Variants in MREG observed in about 807,000 individuals in gnomAD.
The protein encoded by MREG is dilute suppressor protein homolog.
In MREG, 31 loss-of-function variants were observed where a neutral mutation model predicts 28.5. The observed-to-expected ratio is 1.09, with a 90% CI of 0.82 to 1.47. The LOEUF is 1.47. Among genes scored for constraint, MREG ranks in the 40% most tolerant of loss-of-function variants. MREG has a pLI of 0.00. For synonymous variants in MREG, 106 were observed against 95.2 expected, an observed-to-expected ratio of 1.11 and a Z score of -0.66; for missense variants, 256 against 257.4, an observed-to-expected ratio of 0.99 and a Z score of 0.04.
chr2:216,009,780 C>T (rs1694250125), intron 1 of MREG, among the ~76,000 whole-genome samples: 1 of 152,162 alleles, frequency 6.6e-6, no homozygotes, highest in South Asian at 2.1e-4. Flanking sequence ...AGGTGATTCG[C>T]CTGCCTCGGC....
At chr2:215,988,190 G>A (rs2106007871) in intron 2 of MREG, among the ~76,000 whole-genome samples, 1 of 152,256 alleles carries the variant, frequency 6.6e-6, no homozygotes, top group East Asian at 1.9e-4. Flanking sequence ...TCCACCTGAG[G>A]TACCTGGCTT....
chr2:216,021,572 C>T (rs926964331), intron 1 of MREG, among the ~76,000 whole-genome samples: 1 of 152,062 alleles, frequency 6.6e-6, no homozygotes, highest in African/African-American at 2.4e-5. Flanking sequence ...TCCATAGGCC[C>T]CTCACTCCCC....
chr2:215,991,021 A>G (rs1384736420), intron 2 of MREG, among the ~76,000 whole-genome samples: 1 of 152,244 alleles, frequency 6.6e-6, no homozygotes, highest in African/African-American at 2.4e-5. Flanking sequence ...ACAGGAGTTA[A>G]ACTCAGCTCT....
chr2:216,021,695 T>C (rs1266723494), intron 1 of MREG, among the ~76,000 whole-genome samples: 1 of 152,226 alleles, frequency 6.6e-6, no homozygotes, highest in African/African-American at 2.4e-5. Flanking sequence ...AGTGCTTCCC[T>C]GTGGCTGCTG....
intron 1 of MREG, among the ~76,000 whole-genome samples, chr2:216,020,297 TAA>T (rs998567843): frequency 6.6e-6 from 1 of 152,218 alleles, no homozygotes; most frequent in African/African-American, 2.4e-5. Flanking sequence ...GCTTTAGACA[TAA>T]CTGGATCCAG....
At position 215,989,486 on chromosome 2, in the gene MREG, CT is replaced by C. The variant is rs570477341; in HGVS notation, c.255+6819del. On this transcript the variant is annotated intron_variant, in intron 2 of 4. Transcript: ENST00000263268. ...AAGTCCAAAAACCAGAATGCCTCTT[CT>C]CCTCCAAAGGATCACAACTCTTTAC... 6.3e-4 allele frequency among the ~76,000 whole-genome samples: 96 copies of C among 152,238 alleles called. 1 individual carries two copies. Among genetic ancestry groups the C allele is most frequent in the African/African-American group, 2.3e-3 (94 of 41,562 alleles).
chr2:216,002,712 G>C (rs1694048727), intron 1 of MREG, among the ~76,000 whole-genome samples: 1 of 152,142 alleles, frequency 6.6e-6, no homozygotes, highest in African/African-American at 2.4e-5. Context: ...TCCCTGGGAT[G>C]GAGCAGGTGA....
rs187766249 is a variant in MREG, at chr2:215,990,460, A to G, written c.255+5846T>C. Reference sequence around the variant, plus strand: ...AAAAACATACCAAATTGTAAAGACCATCGACACTATGAAGAAACTGCCTCA... The same window carrying G: ...AAAAACATACCAAATTGTAAAGACCGTCGACACTATGAAGAAACTGCCTCA... On this transcript the variant is annotated intron_variant, in intron 2 of 4. Coordinates refer to ENST00000263268, the MANE Select transcript of MREG (RefSeq NM_018000.3). Among the ~76,000 whole-genome samples, 1,242 of 152,322 alleles carry G rather than the reference A, an allele frequency of 8.2e-3. 16 individuals carry two copies. The highest frequency in any genetic ancestry group is 0.029 in the African/African-American group (1,186 of 41,566).
At chr2:216,008,299 C>T (rs1166169072) in intron 1 of MREG, among the ~76,000 whole-genome samples, 1 of 152,118 alleles carries the variant, frequency 6.6e-6, no homozygotes, top group Non-Finnish European at 1.5e-5. Context: ...GTTGTAAATG[C>T]TTTGTATCTG....
chr2:215,980,218 T>A (rs893222847), intron 2 of MREG, among the ~76,000 whole-genome samples: 13 of 152,178 alleles, frequency 8.5e-5, no homozygotes, highest in Admixed American at 2.6e-4. Flanking sequence ...GGGCCCCAAC[T>A]TGTTGTCCAT....
intron 2 of MREG, among the ~76,000 whole-genome samples, chr2:215,979,772 T>A (rs1296460127): frequency 6.6e-6 from 1 of 151,780 alleles, no homozygotes; most frequent in Non-Finnish European, 1.5e-5. Flanking sequence ...CAGGGAGGTA[T>A]CTCTGATGAT....
At chr2:215,953,641 C>T (rs543030395) in intron 2 of MREG, among the ~76,000 whole-genome samples, 1 of 152,304 alleles carries the variant, frequency 6.6e-6, no homozygotes, top group South Asian at 2.1e-4. Flanking sequence ...CAATAAGTAA[C>T]AGAGAACAAA....
At chr2:215,946,471 G>A (rs1692322887) in intron 3 of MREG, among the ~76,000 whole-genome samples, 1 of 151,708 alleles carries the variant, frequency 6.6e-6, no homozygotes, top group South Asian at 2.1e-4. Flanking sequence ...TATAATGTGG[G>A]GGCCACATTT....
chr2:216,020,250 C>T (rs1018137082), intron 1 of MREG, among the ~76,000 whole-genome samples: 14 of 152,160 alleles, frequency 9.2e-5, no homozygotes, highest in Admixed American at 7.2e-4. Context: ...AAGAAATGTA[C>T]TGCCTCAAGT....
At chr2:216,014,761 T>C (rs1303510202), upstream of MREG, among the ~76,000 whole-genome samples, 1 of 152,164 alleles carries the variant, frequency 6.6e-6, no homozygotes, top group African/African-American at 2.4e-5. Context: ...TCTTGCCAAA[T>C]TGCTCCCCAA....
At chr2:216,019,194 C>CTT (rs1694487213) in intron 1 of MREG, among the ~76,000 whole-genome samples, 1 of 151,418 alleles carries the variant, frequency 6.6e-6, no homozygotes, top group Non-Finnish European at 1.5e-5. Context: ...ATTTTTTTTT[C>CTT]TTTTTTGGCT....
At chr2:215,981,332 G>A (rs1693423641) in intron 2 of MREG, among the ~76,000 whole-genome samples, 1 of 152,216 alleles carries the variant, frequency 6.6e-6, no homozygotes, top group African/African-American at 2.4e-5. Context: ...CTTGAAAAAG[G>A]AAGGAAATGC....
intron 2 of MREG, among the ~76,000 whole-genome samples, chr2:215,948,324 G>C (rs1465048917): frequency 1.3e-5 from 2 of 152,200 alleles, no homozygotes; most frequent in Non-Finnish European, 2.9e-5. Flanking sequence ...TATGCCATCA[G>C]CAGGGCATGG....
intron 2 of MREG, among the ~76,000 whole-genome samples, chr2:215,974,208 T>C (rs11692400): frequency 0.88 from 133,620 of 152,114 alleles, 58,959 homozygotes; most frequent in East Asian, 0.95. Flanking sequence ...GTAAATAGCA[T>C]GACCATGTGT....
Sources: allele counts gnomAD v4.1 joint callset (sites outside exome capture counted in the v4.1 genomes callset), GRCh38; gene constraint gnomAD v4.1.1; transcripts MANE v1.5; gene names NCBI Gene and HGNC (gene_info 2026-07-23, HGNC 2026-07-21).